The following LRRTM4 variants were observed in gnomAD, a reference collection of about 807,000 sequenced individuals.
LRRTM4 encodes leucine rich repeat transmembrane neuronal 4, also known as leucine-rich repeat transmembrane neuronal protein 4.
LRRTM4 carries 25 observed loss-of-function variants against 47.6 expected under a neutral mutation model. The ratio of observed to expected loss-of-function variants is 0.53; its 90% CI spans 0.38 to 0.73. The LOEUF is 0.73. LRRTM4 is among the 30% of genes least tolerant of loss of function. The probability of loss-of-function intolerance (pLI) is 0.00; values close to 1 mark genes in which losing one functional copy is unlikely to be tolerated. For missense variants in LRRTM4, 638 were observed against 713.4 expected, an observed-to-expected ratio of 0.89 and a Z score of 1.20; for synonymous variants, 311 against 269.5, an observed-to-expected ratio of 1.15 and a Z score of -1.51.
intron 3 of LRRTM4, among the ~76,000 whole-genome samples, chr2:77,146,317 G>GT (rs1166209340): frequency 6.6e-6 from 1 of 152,038 alleles, no homozygotes; most frequent in Admixed American, 6.6e-5. Flanking sequence ...TTCTAACACT[G>GT]TATTTCCAAC....
At chr2:76,977,829 T>C (rs895620505) in intron 3 of LRRTM4, among the ~76,000 whole-genome samples, 1 of 152,036 alleles carries the variant, frequency 6.6e-6, no homozygotes, top group Non-Finnish European at 1.5e-5. Context: ...AAAAAGCTAT[T>C]AGAAGAAAAC....
chr2:77,175,273 T>G (rs1673162972), intron 3 of LRRTM4, among the ~76,000 whole-genome samples: 1 of 151,966 alleles, frequency 6.6e-6, no homozygotes, highest in South Asian at 2.1e-4. Flanking sequence ...AGGGCTTGCA[T>G]GTCTGACATA....
rs916391672 is a variant in LRRTM4 at position 77,417,568 on chromosome 2, T to A, written c.1551+100750A>T. Among the ~76,000 whole-genome samples the A allele has an allele frequency of 3.2e-4, 49 of 152,140 alleles. 1 individual carries two copies. Among genetic ancestry groups the A allele is most frequent in the South Asian group, 2.1e-3 (10 of 4,814 alleles). On this transcript the variant is annotated intron_variant, in intron 3 of 3. Transcript: ENST00000409884. ...CATGGAACACTATGCAGCCATAAAA[T>A]ATGATGAGTTCATGTCCTTTGTAGG...
At chr2:77,413,784 G>C (rs1239051073) in intron 3 of LRRTM4, among the ~76,000 whole-genome samples, 1 of 151,854 alleles carries the variant, frequency 6.6e-6, no homozygotes, top group East Asian at 1.9e-4. Context: ...AGTACATATG[G>C]ACATAAGTTT....
intron 3 of LRRTM4, among the ~76,000 whole-genome samples, chr2:76,827,622 T>C (rs1671224713): frequency 6.6e-6 from 1 of 151,860 alleles, no homozygotes; most frequent in Non-Finnish European, 1.5e-5. Flanking sequence ...TTGACCAAAC[T>C]TCAGGTTCAT....
intron 3 of LRRTM4, among the ~76,000 whole-genome samples, chr2:76,806,203 A>G (rs1675958037): frequency 6.6e-6 from 1 of 152,166 alleles, no homozygotes; most frequent in Non-Finnish European, 1.5e-5. Context: ...ATAACTAGGC[A>G]CTCAGAAAAA....
At chr2:76,773,725 T>A (rs1477389941) in intron 3 of LRRTM4, among the ~76,000 whole-genome samples, 1 of 151,482 alleles carries the variant, frequency 6.6e-6, no homozygotes, top group East Asian at 1.9e-4. Flanking sequence ...TAATAAAATA[T>A]ATAAAATCAA....
At chr2:77,028,575 C>A (rs967080833) in intron 3 of LRRTM4, among the ~76,000 whole-genome samples, 2 of 151,622 alleles carry the variant, frequency 1.3e-5, no homozygotes, top group African/African-American at 2.4e-5. Flanking sequence ...ATAATTTCAA[C>A]AAGAATAAGG....
At chr2:77,385,741 C>CTTTTTTTT (rs33978835) in intron 3 of LRRTM4, among the ~76,000 whole-genome samples, 13 of 82,292 alleles carry the variant, frequency 1.6e-4, no homozygotes, top group African/African-American at 2.0e-4. Context: ...GTACATGGTA[C>CTTTTTTTT]TTTTTTTTTT....
At chr2:76,833,286 A>G (rs1671407704) in intron 3 of LRRTM4, among the ~76,000 whole-genome samples, 1 of 152,096 alleles carries the variant, frequency 6.6e-6, no homozygotes, top group South Asian at 2.1e-4. Context: ...TTATCCATCT[A>G]TATCCGTGCT....
chr2:77,276,091 T>C (rs1352364808), intron 3 of LRRTM4, among the ~76,000 whole-genome samples: 1 of 152,022 alleles, frequency 6.6e-6, no homozygotes, highest in Admixed American at 6.6e-5. Context: ...GAAAAAATGA[T>C]ATTCAATCTA....
chr2:77,335,576 A>G (rs1033027877), intron 3 of LRRTM4, among the ~76,000 whole-genome samples: 3 of 152,034 alleles, frequency 2.0e-5, no homozygotes, highest in Non-Finnish European at 2.9e-5. Context: ...CTATCCACTT[A>G]CTCTTATCTT....
At chr2:77,371,534 C>T (rs1444966012) in intron 3 of LRRTM4, among the ~76,000 whole-genome samples, 2 of 151,606 alleles carry the variant, frequency 1.3e-5, no homozygotes, top group Non-Finnish European at 3.0e-5. Context: ...CTCAATATTC[C>T]ACCTCTTTAT....
chr2:77,049,120 T>TATATATA (rs1553377397), intron 3 of LRRTM4, among the ~76,000 whole-genome samples: 1 of 66,472 alleles, frequency 1.5e-5, no homozygotes, highest in African/African-American at 1.0e-4. Flanking sequence ...ATATTTCATT[T>TATATATA]TTTATATATA....
chr2:77,055,911 A>G (rs1558553525), intron 3 of LRRTM4, among the ~76,000 whole-genome samples: 1 of 151,446 alleles, frequency 6.6e-6, no homozygotes, highest in African/African-American at 2.4e-5. Context: ...GAAATTGGAA[A>G]TTATCATTCT....
At chr2:77,049,963 A>G (rs1048096584) in intron 3 of LRRTM4, among the ~76,000 whole-genome samples, 2 of 152,080 alleles carry the variant, frequency 1.3e-5, no homozygotes, top group East Asian at 3.9e-4. Flanking sequence ...TGAAATGACC[A>G]AAGTTGAGAA....
chr2:77,415,081 G>A (rs1674586394), intron 3 of LRRTM4, among the ~76,000 whole-genome samples: 1 of 152,130 alleles, frequency 6.6e-6, no homozygotes. Flanking sequence ...AAATTGTACT[G>A]CTATGTTTGC....
rs77840971 is a variant in LRRTM4, at chr2:77,127,802, G to A, written c.1552-378886C>T. Among the ~76,000 whole-genome samples the A allele has an allele frequency of 2.4e-4, 37 of 152,296 alleles. No individual in the cohort carries two copies. In the East Asian group the frequency reaches 4.2e-3, roughly 17 times the overall value. Reference sequence around the variant, plus strand: ...TCCCTGATGGAAAGTTAGACAGCTCGAATCACATAGCTAAATAGCCCTTAG... The same window carrying A: ...TCCCTGATGGAAAGTTAGACAGCTCAAATCACATAGCTAAATAGCCCTTAG... On this transcript the variant is annotated intron_variant, in intron 3 of 3. Transcript: ENST00000409884.
chr2:77,006,811 T>C, intron 3 of LRRTM4, among the ~76,000 whole-genome samples: 1 of 152,108 alleles, frequency 6.6e-6, no homozygotes, highest in East Asian at 1.9e-4. Flanking sequence ...CCAGCTAAGC[T>C]TCAGTGGAAA....
Sources: gnomAD v4.1 joint callset for allele counts (sites outside exome capture counted in the v4.1 genomes callset) on GRCh38, gnomAD v4.1.1 for gene constraint, MANE v1.5 for transcripts, NCBI Gene and HGNC (gene_info 2026-07-23, HGNC 2026-07-21) for gene names.